Variants in ANK3 observed in about 807,000 individuals in gnomAD.
The protein encoded by ANK3 is ankyrin 3.
In ANK3, 57 loss-of-function variants were observed where a neutral mutation model predicts 370.9. The ratio of observed to expected loss-of-function variants is 0.15; its 90% confidence interval spans 0.12 to 0.19. The LOEUF is 0.19. Ranked by LOEUF, ANK3 falls within the 10% of genes least tolerant of loss-of-function variation. ANK3 has a pLI of 1.00. For missense variants in ANK3, 4,439 were observed against 5,302.1 expected (o/e 0.84, Z 5.06); for synonymous variants, 1,929 against 1,946.3 (o/e 0.99, Z 0.23).
chr10:60,184,376 G>A (rs1439137233), intron 17 of ANK3, among the ~76,000 whole-genome samples: 1 of 152,112 alleles, frequency 6.6e-6, no homozygotes, highest in Non-Finnish European at 1.5e-5. Context: ...CATATTTAGT[G>A]CTTTATACTG....
chr10:60,417,539 G>A (rs1439665984), intron 2 of ANK3, among the ~76,000 whole-genome samples: 1 of 152,192 alleles, frequency 6.6e-6, no homozygotes, highest in Non-Finnish European at 1.5e-5. Flanking sequence ...ATTGTTTGCA[G>A]CTGGTTGCAA....
chr10:60,726,864 G>A (rs977267641), intron 1 of ANK3, among the ~76,000 whole-genome samples: 2 of 151,946 alleles, frequency 1.3e-5, no homozygotes, highest in African/African-American at 4.8e-5. Context: ...TCTTTTACAA[G>A]CTTGTAAAGT....
chr10:60,234,671 A>G lies in ANK3; in HGVS notation c.897+17T>C, dbSNP rs1351204585. On this transcript the variant is annotated intron_variant, in intron 8 of 43. Transcript: ENST00000280772. The stretch of plus-strand genomic sequence containing the variant: ...CCTGAATACAAGTAGAAGCAGGTAC[A>G]TAAGTTGCACACTTACCCTGGTTTT... The G allele has an allele frequency of 3.9e-6, 6 of 1,529,848 alleles. No homozygotes were observed. In the Admixed American group the frequency reaches 6.7e-5, roughly 17 times the overall value. The allele number at this position is 1,529,848 out of a possible 1,614,324, so 94.8% of individuals were successfully genotyped here. A position where few individuals can be genotyped will look rare whatever the true frequency, so the allele number is the denominator to read the frequency against.
chr10:60,302,842 A>G (rs1402349812), intron 1 of ANK3, among the ~76,000 whole-genome samples: 2 of 151,512 alleles, frequency 1.3e-5, no homozygotes, highest in Non-Finnish European at 2.9e-5. Flanking sequence ...AAAACAAACA[A>G]CAAAAAAAAA....
intron 1 of ANK3, among the ~76,000 whole-genome samples, chr10:60,655,130 C>A (rs2078845524): frequency 6.6e-6 from 1 of 151,410 alleles, no homozygotes; most frequent in Non-Finnish European, 1.5e-5. Context: ...TGATAATAAA[C>A]AATTATGTTA....
intron 2 of ANK3, among the ~76,000 whole-genome samples, chr10:60,408,509 A>C (rs1234924378): frequency 6.6e-6 from 1 of 152,090 alleles, no homozygotes; most frequent in African/African-American, 2.4e-5. Context: ...AGGCCTCCCC[A>C]GCCATGCTTC....
chr10:60,530,821 G>T (rs1180695536), intron 2 of ANK3, among the ~76,000 whole-genome samples: 1 of 152,096 alleles, frequency 6.6e-6, no homozygotes, highest in Non-Finnish European at 1.5e-5. Flanking sequence ...TGGATGTGGG[G>T]GTTGGGTGGG....
At chr10:60,083,084 C>T (rs971001038) in intron 33 of ANK3, among the ~76,000 whole-genome samples, 3 of 152,140 alleles carry the variant, frequency 2.0e-5, no homozygotes, top group African/African-American at 7.2e-5. Flanking sequence ...CAATTTTCCT[C>T]TCTCCTTCTG....
Position 60,638,663 on chromosome 10 carries a change from T to C in ANK3, c.58-23439A>G, listed in dbSNP as rs534536295. On this transcript the variant is annotated intron_variant, in intron 1 of 43. Coordinates refer to the ANK3 transcript ENST00000373827. Reference sequence around the variant, plus strand: ...AAGCCTATAAAGGAAAATACAACCATAATAAAGAGAGAACTAAAAAAAATA... The same window carrying C: ...AAGCCTATAAAGGAAAATACAACCACAATAAAGAGAGAACTAAAAAAAATA... 5.3e-5 allele frequency among the ~76,000 whole-genome samples: 8 copies of C among 151,830 alleles called. No homozygotes were observed. The South Asian group carries it at 8.3e-4, about 16-fold the overall frequency.
At chr10:60,263,709 T>C (rs112589425) in intron 6 of ANK3, 126 bp downstream of exon 6, 17 of 1,094,704 alleles carry the variant, frequency 1.6e-5, no homozygotes, top group African/African-American at 1.1e-4. Flanking sequence ...AGACACACAT[T>C]GTTCCTCCCT....
At chr10:60,424,419 T>C (rs1477613139) in intron 2 of ANK3, among the ~76,000 whole-genome samples, 1 of 152,066 alleles carries the variant, frequency 6.6e-6, no homozygotes, top group Non-Finnish European at 1.5e-5. Flanking sequence ...GACTCTTTAG[T>C]ATAGACAGTA....
chr10:60,581,240 T>C (rs2077746606), intron 2 of ANK3, among the ~76,000 whole-genome samples: 1 of 152,186 alleles, frequency 6.6e-6, no homozygotes, highest in African/African-American at 2.4e-5. Context: ...TTTGATGTGG[T>C]GTGAGAGACA....
chr10:60,304,134 C>G (rs946348282), intron 1 of ANK3, among the ~76,000 whole-genome samples: 1 of 151,812 alleles, frequency 6.6e-6, no homozygotes, highest in African/African-American at 2.4e-5. Flanking sequence ...TCAAGGGGTA[C>G]AAAGTTTCAG....
intron 2 of ANK3, among the ~76,000 whole-genome samples, chr10:60,553,264 C>A (rs28379644): frequency 0.016 from 2,480 of 150,540 alleles, 67 homozygotes; most frequent in African/African-American, 0.056. Context: ...CACTGGGTAA[C>A]CTTAGACACG....
At chr10:60,356,112 G>A (rs886333240) in intron 1 of ANK3, among the ~76,000 whole-genome samples, 10 of 152,170 alleles carry the variant, frequency 6.6e-5, no homozygotes, top group Admixed American at 4.6e-4. Flanking sequence ...TAGAATGCAC[G>A]TTTCCAGTAG....
chr10:60,178,957 C>T (rs10821693), intron 18 of ANK3, among the ~76,000 whole-genome samples: 41,632 of 150,536 alleles, frequency 0.28, 5,877 homozygotes, highest in African/African-American at 0.33. Context: ...TGGAGGGGTG[C>T]GGGGGGAGAG....
chr10:60,591,204 C>T (rs2077905426), intron 2 of ANK3, among the ~76,000 whole-genome samples: 1 of 152,200 alleles, frequency 6.6e-6, no homozygotes, highest in African/African-American at 2.4e-5. Context: ...TAGCTTGCCA[C>T]ATTCTTCTGC....
At chr10:60,092,265 G>A (rs757052289) in intron 28 of ANK3, among the ~76,000 whole-genome samples, 4 of 152,044 alleles carry the variant, frequency 2.6e-5, no homozygotes, top group African/African-American at 7.2e-5. Flanking sequence ...ACTCCTACAG[G>A]ACTCTTTTCA....
intron 1 of ANK3, among the ~76,000 whole-genome samples, chr10:60,687,864 T>C (rs955649761): frequency 5.3e-5 from 8 of 152,110 alleles, no homozygotes; most frequent in Non-Finnish European, 8.8e-5. Context: ...ATATATAGAA[T>C]GGAATACTAT....
Sources: gnomAD v4.1 joint callset for allele counts (sites outside exome capture counted in the v4.1 genomes callset) on GRCh38, gnomAD v4.1.1 for gene constraint, MANE v1.5 for transcripts, NCBI Gene and HGNC (gene_info 2026-07-23, HGNC 2026-07-21) for gene names.